LY75: variants seen among roughly 807,000 people sequenced by gnomAD.
The protein encoded by LY75 is C-type lectin domain family 13 member B.
LY75 carries 185 observed loss-of-function variants against 231.7 expected under a neutral mutation model. The ratio of observed to expected loss-of-function variants is 0.80; its 90% confidence interval spans 0.71 to 0.90. The LOEUF is 0.90. LY75 is among the 40% of genes least tolerant of loss of function. The probability of loss-of-function intolerance (pLI) is 0.00; values close to 1 mark genes in which losing one functional copy is unlikely to be tolerated. For synonymous variants in LY75, 668 were observed against 689.0 expected, an observed-to-expected ratio of 0.97 and a Z score of 0.48; for missense variants, 1,947 against 2,050.2, an observed-to-expected ratio of 0.95 and a Z score of 0.97.
Position 159,899,006 on chromosome 2 carries a change from C to T in LY75, c.148G>A (p.Val50Met), listed in dbSNP as rs776031557. Residue 50 changes from valine to methionine, a missense_variant, in exon 2 of 35, where the codon GTG (valine) becomes ATG (methionine). Coordinates refer to ENST00000263636, the MANE Select transcript of LY75 (RefSeq NM_002349.4). ...HGNTGKCIKP[V>M]YGWIVADDCD... is the part of the protein sequence containing the mutation. ...TCGTCTGCTACTATCCAGCCATACA[C>T]TGGCTTGATGCACTTGCCCGTATTT... The T allele has an allele frequency of 4.3e-6, 7 of 1,614,216 alleles. No individual in the cohort carries two copies. The East Asian group carries it at 1.3e-4, about 31-fold the overall frequency.
intron 28 of LY75, among the ~76,000 whole-genome samples, chr2:159,821,836 C>A (rs904692081): frequency 1.3e-5 from 2 of 152,150 alleles, no homozygotes; most frequent in Non-Finnish European, 1.5e-5. Context: ...AACTGAGGTA[C>A]CGGGTTCATC....
At chr2:159,811,386 T>C (rs1682956938) in intron 31 of LY75, among the ~76,000 whole-genome samples, 1 of 151,934 alleles carries the variant, frequency 6.6e-6, no homozygotes, top group South Asian at 2.1e-4. Flanking sequence ...TTGTGCTGAG[T>C]AACAGAAGCA....
intron 13 of LY75, among the ~76,000 whole-genome samples, chr2:159,866,186 T>C (rs1212753200): frequency 6.6e-6 from 1 of 152,144 alleles, no homozygotes; most frequent in Non-Finnish European, 1.5e-5. Flanking sequence ...GCAGAATATA[T>C]GGAACATATA....
intron 28 of LY75, 66 bp downstream of exon 28, chr2:159,831,604 G>C: frequency 6.5e-7 from 1 of 1,532,268 alleles, no homozygotes; most frequent in South Asian, 1.2e-5. Context: ...AAGAACTATG[G>C]CTTGATAATT....
At chr2:159,876,865 T>G (rs895426128) in intron 11 of LY75, among the ~76,000 whole-genome samples, 2 of 151,288 alleles carry the variant, frequency 1.3e-5, no homozygotes, top group African/African-American at 4.9e-5. Context: ...AAAAATTAGC[T>G]GGGCATGGTG....
rs1684063177 is a variant in LY75 at position 159,842,387 on chromosome 2, G to A, written c.3151-13C>T. The A allele has an allele frequency of 1.2e-6, 2 of 1,602,818 alleles. No individual in the cohort carries two copies. Among genetic ancestry groups the A allele is most frequent in the South Asian group, 1.1e-5 (1 of 90,402 alleles). ...CTTCCTCAAAAAACTAAACAAAAAG[G>A]CAAATACATACATGCAATCATGTAA... On this transcript the variant is annotated splice_polypyrimidine_tract_variant and intron_variant, in intron 23 of 34. Transcript: ENST00000263636.
At chr2:159,808,348 C>A (rs1682850720) in intron 33 of LY75, 101 bp downstream of exon 33, 3 of 1,582,418 alleles carry the variant, frequency 1.9e-6, no homozygotes, top group African/African-American at 1.4e-5. Context: ...GAAGAGGCAT[C>A]TGAATTAGCC....
At chr2:159,847,405 C>T (rs1330247119) in intron 23 of LY75, among the ~76,000 whole-genome samples, 2 of 152,040 alleles carry the variant, frequency 1.3e-5, no homozygotes, top group African/African-American at 4.8e-5. Context: ...AATCATGGCT[C>T]ACTACAGACT....
At chr2:159,902,061 G>T (rs1036294417) in intron 1 of LY75, among the ~76,000 whole-genome samples, 2 of 152,158 alleles carry the variant, frequency 1.3e-5, no homozygotes, top group African/African-American at 4.8e-5. Context: ...GTACAGAAGG[G>T]CATATAAGCT....
intron 22 of LY75, 109 bp from the exon 23 acceptor site, chr2:159,850,249 TC>T: frequency 6.6e-7 from 1 of 1,504,734 alleles, no homozygotes; most frequent in Non-Finnish European, 8.9e-7. Context: ...TTTTATCTGT[TC>T]CATAACAAAA....
intron 12 of LY75, 117 bp from the exon 13 acceptor site, chr2:159,872,710 G>C: frequency 8.6e-7 from 1 of 1,165,618 alleles, no homozygotes; most frequent in South Asian, 1.5e-5. Flanking sequence ...AAGGTGTAGT[G>C]AAGGCATAGG....
At chr2:159,830,266 G>C (rs752845733) in intron 28 of LY75, among the ~76,000 whole-genome samples, 6 of 152,126 alleles carry the variant, frequency 3.9e-5, no homozygotes, top group Non-Finnish European at 8.8e-5. Flanking sequence ...AGGCAGATTT[G>C]AGTAATTTAG....
chr2:159,859,632 C>T (rs1401574066), intron 15 of LY75, among the ~76,000 whole-genome samples: 1 of 152,150 alleles, frequency 6.6e-6, no homozygotes, highest in African/African-American at 2.4e-5. Context: ...TCTATAAATG[C>T]CTAGTCATAT....
In LY75 at chr2:159,835,564, A is replaced by C. The variant is rs1266709744; in HGVS notation, c.3589T>G (p.Cys1197Gly). The C allele has an allele frequency of 6.2e-7, 1 of 1,613,782 alleles. No individual in the cohort carries two copies. The highest frequency in any genetic ancestry group is 8.5e-7 in the Non-Finnish European group (1 of 1,179,906). Reference sequence around the variant, plus strand: ...AATCCATCAGTGTCTAATACTACACAGTCTTCGAGTTGCCCATTAGTTTCA... The same window carrying C: ...AATCCATCAGTGTCTAATACTACACCGTCTTCGAGTTGCCCATTAGTTTCA... ...WAETNGQLED[C>G]VVLDTDGFWK... Residue 1197 changes from cysteine to glycine, a missense_variant, in exon 26 of 35, where the codon TGT becomes GGT. Cys to Gly is a radical substitution (Grantham distance 159, BLOSUM62 -3). Coordinates refer to ENST00000263636, the MANE Select transcript of LY75 (RefSeq NM_002349.4).
intron 2 of LY75, among the ~76,000 whole-genome samples, chr2:159,898,145 A>C (rs547839293): frequency 6.6e-6 from 1 of 152,304 alleles, no homozygotes; most frequent in Admixed American, 6.5e-5. Context: ...TATGTTGCCC[A>C]GGCTGAAGTG....
At chr2:159,874,624 AT>A (rs1257736032) in intron 12 of LY75, among the ~76,000 whole-genome samples, 499 of 32,234 alleles carry the variant, frequency 0.015, 5 homozygotes, top group African/African-American at 0.048. Context: ...AAATATATAT[AT>A]AGTAAATATA....
chr2:159,887,398 A>G (rs995055459), intron 4 of LY75, among the ~76,000 whole-genome samples: 1 of 151,666 alleles, frequency 6.6e-6, no homozygotes, highest in African/African-American at 2.4e-5. Flanking sequence ...TCTCTACTAA[A>G]AATACAAAAA....
intron 11 of LY75, 145 bp from the exon 12 acceptor site, chr2:159,875,788 A>T (rs1188808039): frequency 2.0e-5 from 20 of 1,014,622 alleles, no homozygotes; most frequent in Non-Finnish European, 2.7e-5. Context: ...TATGTTGTTC[A>T]GAATAATAAT....
chr2:159,827,955 G>A (rs942318667), intron 28 of LY75, among the ~76,000 whole-genome samples: 2 of 151,926 alleles, frequency 1.3e-5, no homozygotes, highest in Admixed American at 6.6e-5. Flanking sequence ...TGGGCCTGTC[G>A]GGGGGTAGGG....
Sources: allele counts gnomAD v4.1 joint callset (sites outside exome capture counted in the v4.1 genomes callset), GRCh38; gene constraint gnomAD v4.1.1; transcripts MANE v1.5; gene names NCBI Gene and HGNC (gene_info 2026-07-23, HGNC 2026-07-21).